PCGF6: variants seen among roughly 807,000 people sequenced by gnomAD.
The protein encoded by PCGF6 is polycomb group RING finger protein 6.
PCGF6 carries 24 observed loss-of-function variants against 45.5 expected under a neutral mutation model. The ratio of observed to expected loss-of-function variants is 0.53; its 90% CI spans 0.38 to 0.74. The LOEUF is 0.74. PCGF6 is among the 30% of genes least tolerant of loss of function. PCGF6 has a pLI of 0.00. For synonymous variants in PCGF6, 152 were observed against 162.1 expected (o/e 0.94, Z 0.47); for missense variants, 356 against 443.2 (o/e 0.80, Z 1.77).
At chr10:103,332,135 T>C (rs1227293514) in intron 7 of PCGF6, among the ~76,000 whole-genome samples, 2 of 152,224 alleles carry the variant, frequency 1.3e-5, no homozygotes, top group Middle Eastern at 3.4e-3. Context: ...AATTAGTAAT[T>C]AAATCTAGAA....
chr10:103,346,722 A>T (rs1461113154), intron 5 of PCGF6, among the ~76,000 whole-genome samples: 2 of 152,170 alleles, frequency 1.3e-5, no homozygotes, highest in African/African-American at 2.4e-5. Context: ...TCAAACCCAG[A>T]AGGTGGAGGT....
intron 9 of PCGF6, among the ~76,000 whole-genome samples, chr10:103,312,255 T>A (rs934179574): frequency 6.6e-6 from 1 of 151,678 alleles, no homozygotes; most frequent in African/African-American, 2.4e-5. Flanking sequence ...TAGCCAGGCG[T>A]GGTGGCAGGC....
intron 7 of PCGF6, among the ~76,000 whole-genome samples, chr10:103,327,310 C>A (rs575469487): frequency 1.3e-5 from 2 of 151,874 alleles, no homozygotes; most frequent in South Asian, 2.1e-4. Flanking sequence ...AAACAAAAAA[C>A]CCAAAAAACT....
chr10:103,332,602 T>C (rs2093244013), intron 7 of PCGF6, among the ~76,000 whole-genome samples: 3 of 152,172 alleles, frequency 2.0e-5, no homozygotes, highest in Admixed American at 2.0e-4. Flanking sequence ...TCTCTAGTTC[T>C]TTCTTCATGA....
intron 6 of PCGF6, among the ~76,000 whole-genome samples, chr10:103,343,924 C>T (rs1402667697): frequency 6.7e-6 from 1 of 149,878 alleles, no homozygotes; most frequent in Non-Finnish European, 1.5e-5. Context: ...AGTAAATCTA[C>T]ACTCGTGGAG....
intron 8 of PCGF6, among the ~76,000 whole-genome samples, chr10:103,322,893 A>T (rs2093202880): frequency 6.6e-6 from 1 of 151,850 alleles, no homozygotes; most frequent in Admixed American, 6.6e-5. Flanking sequence ...AAAAAACAAA[A>T]AACAAAAAAC....
intron 9 of PCGF6, among the ~76,000 whole-genome samples, chr10:103,305,894 A>AT (rs573540841): frequency 0.012 from 1,753 of 151,000 alleles, 25 homozygotes; most frequent in Middle Eastern, 0.031. Flanking sequence ...TACTTATATA[A>AT]TTTAAAAAAA....
Position 103,333,444 on chromosome 10 carries a change from C to T in PCGF6, c.810+481G>A, listed in dbSNP as rs149485183. On this transcript the variant is annotated intron_variant, in intron 7 of 9. Transcript: ENST00000369847. ...AAAAAGTTACCTTTTCCTGATGACT[C>T]ACATTATAGTAGTAACACTGTATAC... 2.8e-4 allele frequency among the ~76,000 whole-genome samples: 42 copies of T among 152,234 alleles called. No individual in the cohort carries two copies. In the East Asian group the frequency reaches 7.7e-3, roughly 28 times the overall value.
At chr10:103,344,047 TC>T (rs748992355) in intron 6 of PCGF6, among the ~76,000 whole-genome samples, 4 of 151,908 alleles carry the variant, frequency 2.6e-5, no homozygotes, top group Non-Finnish European at 4.4e-5. Context: ...ACCTAAATAT[TC>T]AACAGAACAG....
intron 9 of PCGF6, among the ~76,000 whole-genome samples, chr10:103,310,862 C>A (rs1479216539): frequency 6.6e-6 from 1 of 152,088 alleles, no homozygotes; most frequent in Non-Finnish European, 1.5e-5. Flanking sequence ...GCCACCACAC[C>A]TGGTTAATTT....
chr10:103,304,745 A>G (rs1439242359), intron 9 of PCGF6, among the ~76,000 whole-genome samples: 2 of 149,046 alleles, frequency 1.3e-5, no homozygotes, highest in East Asian at 2.0e-4. Context: ...AGCCTTGACC[A>G]CCTGGGCTCA....
At chr10:103,320,896 CAG>C (rs759909443) in intron 8 of PCGF6, among the ~76,000 whole-genome samples, 6 of 151,678 alleles carry the variant, frequency 4.0e-5, no homozygotes, top group Non-Finnish European at 5.9e-5. Context: ...GTCAGCATAG[CAG>C]GCTCGTGACT....
chr10:103,308,274 C>T (rs1203975438), intron 9 of PCGF6, among the ~76,000 whole-genome samples: 3 of 152,122 alleles, frequency 2.0e-5, no homozygotes, highest in Middle Eastern at 3.2e-3. Context: ...AACACCAGCT[C>T]GTGAGAGAAG....
intron 8 of PCGF6, among the ~76,000 whole-genome samples, chr10:103,320,124 G>T (rs2133566599): frequency 6.6e-6 from 1 of 152,092 alleles, no homozygotes; most frequent in East Asian, 1.9e-4. Flanking sequence ...TTTTAAGATG[G>T]AATTAGTTAT....
chr10:103,343,029 C>T (rs1043120044), intron 6 of PCGF6, among the ~76,000 whole-genome samples: 2 of 151,932 alleles, frequency 1.3e-5, no homozygotes, highest in Non-Finnish European at 2.9e-5. Flanking sequence ...CCTGGGTTCA[C>T]GCCATTCTCC....
At chr10:103,350,133 G>C (rs990747152) in intron 1 of PCGF6, among the ~76,000 whole-genome samples, 6 of 151,462 alleles carry the variant, frequency 4.0e-5, no homozygotes, top group African/African-American at 1.5e-4. Flanking sequence ...TGCCTAGTAA[G>C]CAGTAGCTTC....
intron 7 of PCGF6, among the ~76,000 whole-genome samples, chr10:103,330,707 C>G (rs768534171): frequency 3.3e-5 from 5 of 152,192 alleles, no homozygotes; most frequent in Non-Finnish European, 5.9e-5. Context: ...GCGGGTGGAT[C>G]ACCTGAGGTC....
At chr10:103,314,377 A>C (rs1219369618) in intron 8 of PCGF6, 105 bp from the exon 9 acceptor site, 6 of 725,350 alleles carry the variant, frequency 8.3e-6, no homozygotes, top group African/African-American at 1.8e-5. Context: ...TAGATTTTGT[A>C]ATTTTATTTT....
chr10:103,339,813 ACACACACACACACACACACACACAC>A (rs2093273179), intron 6 of PCGF6, among the ~76,000 whole-genome samples: 3 of 16,946 alleles, frequency 1.8e-4, no homozygotes, highest in African/African-American at 4.4e-4. Context: ...AAAAAAAAAC[ACACACACACACACACACACACACAC>A]ACACACACAC....
Sources: gnomAD v4.1 joint callset for allele counts (sites outside exome capture counted in the v4.1 genomes callset) on GRCh38, gnomAD v4.1.1 for gene constraint, MANE v1.5 for transcripts, NCBI Gene and HGNC (gene_info 2026-07-23, HGNC 2026-07-21) for gene names.